Variants in UBXN8 observed in about 807,000 individuals in gnomAD.
UBXN8 encodes the protein UBX domain protein 8, also known as UBX domain-containing protein 8.
In UBXN8, 27 loss-of-function variants were observed where a neutral mutation model predicts 32.1. The ratio of observed to expected loss-of-function variants is 0.84; its 90% confidence interval spans 0.62 to 1.16. The LOEUF is 1.16. Ranked by LOEUF, UBXN8 falls within the 50% of genes most tolerant of loss-of-function variation. The probability of loss-of-function intolerance (pLI) is 0.00; values close to 1 mark genes in which losing one functional copy is unlikely to be tolerated. For synonymous variants in UBXN8, 109 were observed against 111.8 expected (o/e 0.98, Z 0.16); for missense variants, 306 against 311.4 (o/e 0.98, Z 0.13).
At chr8:30,741,910 T>G (rs1805211529), upstream of UBXN8, among the ~76,000 whole-genome samples, 1 of 152,156 alleles carries the variant, frequency 6.6e-6, no homozygotes. Flanking sequence ...AAGGTAAATT[T>G]GGATTGGTTA....
intron 5 of UBXN8, among the ~76,000 whole-genome samples, chr8:30,758,796 G>C (rs1221530874): frequency 6.6e-6 from 1 of 151,342 alleles, no homozygotes; most frequent in East Asian, 1.9e-4. Flanking sequence ...TGCAGGTAAG[G>C]TTAGATTAAA....
At chr8:30,729,396 C>T (rs573868837), upstream of UBXN8, among the ~76,000 whole-genome samples, 120 of 152,342 alleles carry the variant, frequency 7.9e-4, 1 homozygote, top group African/African-American at 2.5e-3. Flanking sequence ...GAAGCATGGC[C>T]TGATCACCCA....
intron 5 of UBXN8, among the ~76,000 whole-genome samples, chr8:30,757,288 G>C (rs944339296): frequency 4.6e-5 from 7 of 152,140 alleles, no homozygotes; most frequent in African/African-American, 1.7e-4. Context: ...TGTGGCTCAT[G>C]CCTGTAATCC....
chr8:30,750,772 CA>C (rs11308328), intron 1 of UBXN8, among the ~76,000 whole-genome samples: 82,907 of 122,486 alleles, frequency 0.68, 29,260 homozygotes, highest in East Asian at 0.81. Flanking sequence ...GACTCTGTCT[CA>C]AAAAAAAAAA....
chr8:30,760,021 G>A (rs1277514329), intron 5 of UBXN8, among the ~76,000 whole-genome samples: 1 of 145,360 alleles, frequency 6.9e-6, no homozygotes, highest in East Asian at 2.0e-4. Flanking sequence ...ATATGTATAT[G>A]TTTGAAGCAA....
intron 2 of UBXN8, 95 bp from the exon 3 acceptor site, chr8:30,752,940 G>T: frequency 7.3e-7 from 1 of 1,370,108 alleles, no homozygotes; most frequent in South Asian, 1.8e-5. Flanking sequence ...ATAGACTTTA[G>T]ATTTTTTTCT....
At chr8:30,740,422 G>C (rs1032121854), upstream of UBXN8, among the ~76,000 whole-genome samples, 2 of 144,970 alleles carry the variant, frequency 1.4e-5, no homozygotes, top group Non-Finnish European at 3.0e-5. Flanking sequence ...CAGAAAACAG[G>C]CCAGGCGCGG....
chr8:30,738,097 T>TA (rs10711833), intron 1 of UBXN8, among the ~76,000 whole-genome samples: 217 of 144,418 alleles, frequency 1.5e-3, no homozygotes, highest in African/African-American at 4.7e-3. Context: ...TGTGTCTATT[T>TA]AAAAAAAAAA....
At chr8:30,760,261 A>C (rs1435054366) in intron 5 of UBXN8, among the ~76,000 whole-genome samples, 1 of 149,176 alleles carries the variant, frequency 6.7e-6, no homozygotes, top group Non-Finnish European at 1.5e-5. Context: ...GGGTTTCACC[A>C]TGTGAGCCAC....
intron 3 of UBXN8, among the ~76,000 whole-genome samples, chr8:30,753,403 C>T (rs748588916): frequency 2.0e-5 from 3 of 152,000 alleles, no homozygotes; most frequent in African/African-American, 4.8e-5. Flanking sequence ...ATTACAGGTG[C>T]GCACCACCAC....
chr8:30,763,235 A>C (rs764016439), intron 6 of UBXN8, 38 bp from the exon 7 acceptor site: 2 of 1,593,708 alleles, frequency 1.3e-6, no homozygotes, highest in African/African-American at 2.7e-5. Context: ...TGCAAAGAGC[A>C]ATGGATCGGA....
In UBXN8 at chr8:30,750,388, T is replaced by C. The variant is rs181928148; in HGVS notation, c.89-1008T>C. ...TTGGGGGCACTAAGGCAGGAGGCCC[T>C]CCTTGAGCCCCAGGAGGTTGAGGCT... On this transcript the variant is annotated intron_variant, in intron 1 of 7. Coordinates refer to ENST00000265616, the MANE Select transcript of UBXN8 (RefSeq NM_005671.4). 3.9e-3 allele frequency among the ~76,000 whole-genome samples: 587 copies of C among 151,960 alleles called. 2 individuals are homozygous for C. The highest frequency in any genetic ancestry group is 0.013 in the African/African-American group (538 of 41,428).
upstream of UBXN8, chr8:30,732,106 G>C (rs1804972011): frequency 1.3e-5 from 4 of 312,064 alleles, no homozygotes; most frequent in East Asian, 2.1e-4. Context: ...TCCGGAGTCA[G>C]GTGTCACTAC....
chr8:30,729,199 G>C (rs542917693), upstream of UBXN8, among the ~76,000 whole-genome samples: 1 of 152,198 alleles, frequency 6.6e-6, no homozygotes, highest in African/African-American at 2.4e-5. Flanking sequence ...CTTGAGCGAC[G>C]CGGATCCTGC....
At chr8:30,763,807 A>G (rs775763849) in intron 7 of UBXN8, among the ~76,000 whole-genome samples, 4 of 152,152 alleles carry the variant, frequency 2.6e-5, no homozygotes, top group African/African-American at 7.2e-5. Flanking sequence ...CCTGGCCAAC[A>G]TGGTTAAACC....
chr8:30,758,052 C>G (rs879560775), intron 5 of UBXN8, among the ~76,000 whole-genome samples: 2 of 151,844 alleles, frequency 1.3e-5, no homozygotes, highest in South Asian at 2.1e-4. Flanking sequence ...CCCACCACCC[C>G]ACCCAGCTAA....
In UBXN8 at chr8:30,759,345, C is replaced by T. The variant is rs149834452; in HGVS notation, c.529-1543C>T. Among the ~76,000 whole-genome samples, 587 of 152,122 alleles carry T rather than the reference C, an allele frequency of 3.9e-3. 2 individuals are homozygous for T. Among genetic ancestry groups the T allele is most frequent in the African/African-American group, 0.013 (540 of 41,522 alleles). ...CTGCCTCCTGGGTTCAAGAGATTCT[C>T]ATGCCTCAACCTCCTGAGTAGCAGG... On this transcript the variant is annotated intron_variant, in intron 5 of 7. Transcript: ENST00000265616.
upstream of UBXN8, among the ~76,000 whole-genome samples, chr8:30,739,282 C>T (rs554246405): frequency 2.6e-5 from 4 of 151,102 alleles, no homozygotes; most frequent in African/African-American, 7.2e-5. Context: ...TGGTGGCTCA[C>T]GCCTGTAATC....
upstream of UBXN8, chr8:30,732,580 T>C: frequency 3.7e-6 from 1 of 269,728 alleles, no homozygotes; most frequent in Non-Finnish European, 6.9e-6. Context: ...ACCGGGAACC[T>C]TTTGAATGGG....
Sources: allele counts gnomAD v4.1 joint callset (sites outside exome capture counted in the v4.1 genomes callset), GRCh38; gene constraint gnomAD v4.1.1; transcripts MANE v1.5; gene names NCBI Gene and HGNC (gene_info 2026-07-23, HGNC 2026-07-21).